Variants in RGS6 observed in about 807,000 individuals in gnomAD.
RGS6 encodes regulator of G-protein signaling 6.
Under a neutral mutation model 78.5 loss-of-function variants are expected in RGS6, and 30 were observed. That is an observed-to-expected ratio of 0.38 (90% confidence interval 0.29 to 0.52). The LOEUF (loss-of-function observed/expected upper bound fraction) is 0.52, where lower values mean the gene tolerates loss of function less well. Among genes scored for constraint, RGS6 ranks in the 20% least tolerant of loss-of-function variants. The pLI, the probability that RGS6 is intolerant of heterozygous loss-of-function variation, is 0.85. For synonymous variants in RGS6, 206 were observed against 206.0 expected (o/e 1.00, Z 0.00); for missense variants, 495 against 609.7 (o/e 0.81, Z 1.98).
the RGS6 span, among the ~76,000 whole-genome samples, chr14:72,572,626 T>A: frequency 6.6e-6 from 1 of 152,128 alleles, no homozygotes; most frequent in African/African-American, 2.4e-5. Flanking sequence ...GTAGACTAGT[T>A]GTTGCCTAGA....
chr14:72,122,740 G>GT (rs34605194), intron 2 of RGS6, among the ~76,000 whole-genome samples: 15,031 of 132,108 alleles, frequency 0.11, 1,448 homozygotes, highest in African/African-American at 0.28. Flanking sequence ...CTAAGTTATC[G>GT]TTTTTTTTTT....
rs1022974061 is a variant in RGS6 at position 72,489,757 on chromosome 14, A to G, written c.855-5395A>G. 3.4e-5 allele frequency among the ~76,000 whole-genome samples: 5 copies of G among 146,006 alleles called. No homozygotes were observed. In the Admixed American group the frequency reaches 3.5e-4, roughly 10 times the overall value. On this transcript the variant is annotated intron_variant, in intron 12 of 17. Coordinates refer to ENST00000553525, the MANE Select transcript of RGS6 (RefSeq NM_001204424.2). ...AGGCGAGGTGAGACGAGGCGAGGCG[A>G]GGTGAAATTATCCCCTAGAGCCTTC...
At chr14:72,288,372 T>C (rs2062969666) in intron 2 of RGS6, among the ~76,000 whole-genome samples, 1 of 152,242 alleles carries the variant, frequency 6.6e-6, no homozygotes, top group Non-Finnish European at 1.5e-5. Flanking sequence ...TACTACTGAA[T>C]GGAAGGGATC....
intron 1 of RGS6, among the ~76,000 whole-genome samples, chr14:71,935,913 A>AT (rs978648789): frequency 9.9e-5 from 15 of 150,860 alleles, no homozygotes; most frequent in African/African-American, 3.7e-4. Context: ...GAGAAGGTAC[A>AT]TATCTAACAA....
At chr14:71,931,679 A>G (rs190070747), upstream of RGS6, among the ~76,000 whole-genome samples, 161 of 152,356 alleles carry the variant, frequency 1.1e-3, no homozygotes, top group Non-Finnish European at 2.2e-3. Context: ...GTCCAGCACT[A>G]GTGATCTTGT....
intron 2 of RGS6, among the ~76,000 whole-genome samples, chr14:72,176,677 TCA>T (rs2097108864): frequency 4.6e-5 from 7 of 152,130 alleles, no homozygotes; most frequent in Non-Finnish European, 8.8e-5. Context: ...AGTGATGAGT[TCA>T]TGAAAATATT....
At chr14:72,155,467 T>G (rs1248474431) in intron 2 of RGS6, among the ~76,000 whole-genome samples, 1 of 152,186 alleles carries the variant, frequency 6.6e-6, no homozygotes, top group African/African-American at 2.4e-5. Context: ...CCACCCACAA[T>G]GCAGATTAGT....
chr14:72,474,470 C>T (rs1325478749), intron 9 of RGS6, among the ~76,000 whole-genome samples, 155 bp from the exon 10 acceptor site: 1 of 151,822 alleles, frequency 6.6e-6, no homozygotes, highest in Non-Finnish European at 1.5e-5. Context: ...ATGGGAACTC[C>T]ACAGAGGAAT....
At chr14:72,625,250 C>T in the RGS6 span, among the ~76,000 whole-genome samples, 2 of 151,890 alleles carry the variant, frequency 1.3e-5, no homozygotes, top group Non-Finnish European at 1.5e-5. Context: ...TAAGGAAGAG[C>T]TTACCTTCTC....
chr14:71,941,304 TTTCTA>T (rs1158355260), intron 1 of RGS6, among the ~76,000 whole-genome samples: 1 of 152,198 alleles, frequency 6.6e-6, no homozygotes, highest in African/African-American at 2.4e-5. Context: ...CTATCAGTGT[TTTCTA>T]TACTATTAGA....
intron 2 of RGS6, among the ~76,000 whole-genome samples, chr14:72,147,919 C>G (rs1229538972): frequency 1.3e-5 from 2 of 152,080 alleles, no homozygotes; most frequent in African/African-American, 4.8e-5. Flanking sequence ...ATCACGAAGT[C>G]AGGAGATTGA....
chr14:72,463,863 A>T (rs989537425), intron 6 of RGS6, among the ~76,000 whole-genome samples: 2 of 152,224 alleles, frequency 1.3e-5, no homozygotes, highest in Non-Finnish European at 2.9e-5. Context: ...TATCAGACAC[A>T]GTGAAGCACT....
At chr14:72,232,268 G>A (rs12878303) in intron 2 of RGS6, among the ~76,000 whole-genome samples, 25,276 of 152,106 alleles carry the variant, frequency 0.17, 2,879 homozygotes, top group East Asian at 0.33. Flanking sequence ...CAGGATGGGT[G>A]GGCATGGGGA....
intron 2 of RGS6, among the ~76,000 whole-genome samples, chr14:72,162,011 G>A (rs1007586872): frequency 6.6e-6 from 1 of 152,134 alleles, no homozygotes; most frequent in African/African-American, 2.4e-5. Flanking sequence ...ATATACGCAA[G>A]GGCAAGATTA....
At chr14:72,144,235 C>T (rs78058740) in intron 2 of RGS6, among the ~76,000 whole-genome samples, 6,994 of 152,298 alleles carry the variant, frequency 0.046, 191 homozygotes, top group Non-Finnish European at 0.052. Flanking sequence ...TAAGACCACT[C>T]TCTTTCCATT....
chr14:72,008,184 T>C (rs73293287), intron 2 of RGS6, among the ~76,000 whole-genome samples: 10,093 of 152,196 alleles, frequency 0.066, 773 homozygotes, highest in East Asian at 0.21. Flanking sequence ...TGAGTTGGAG[T>C]GTCTATGGCA....
At chr14:71,868,393 TAGAC>T in the RGS6 span, among the ~76,000 whole-genome samples, 2 of 152,152 alleles carry the variant, frequency 1.3e-5, no homozygotes, top group Admixed American at 6.5e-5. Context: ...GAAGAAGTAT[TAGAC>T]AGAGCCCAGC....
chr14:71,989,240 C>T (rs1436599987), intron 2 of RGS6, among the ~76,000 whole-genome samples: 2 of 152,228 alleles, frequency 1.3e-5, no homozygotes, highest in Non-Finnish European at 1.5e-5. Context: ...TAAACCCATG[C>T]CTGGGCCTCC....
At chr14:72,118,516 A>C (rs1329264460) in intron 2 of RGS6, among the ~76,000 whole-genome samples, 1 of 152,214 alleles carries the variant, frequency 6.6e-6, no homozygotes, top group Non-Finnish European at 1.5e-5. Flanking sequence ...ATACCATTTG[A>C]ATATACCCAG....
Sources: allele counts gnomAD v4.1 joint callset (sites outside exome capture counted in the v4.1 genomes callset), GRCh38; gene constraint gnomAD v4.1.1; transcripts MANE v1.5; gene names NCBI Gene and HGNC (gene_info 2026-07-23, HGNC 2026-07-21).